The following TYW1 variants were observed in gnomAD, a reference collection of about 807,000 sequenced individuals.
TYW1 encodes the protein tRNA-yW synthesizing protein 1 homolog.
A neutral mutation model predicts 96.2 loss-of-function variants in TYW1; 46 were observed. The observed-to-expected ratio is 0.48, with a 90% confidence interval of 0.38 to 0.61. TYW1 has a LOEUF of 0.61. Ranked by LOEUF, TYW1 falls within the 20% of genes least tolerant of loss-of-function variation. The pLI, the probability that TYW1 is intolerant of heterozygous loss-of-function variation, is 0.00. For missense variants in TYW1, 684 were observed against 909.6 expected, an observed-to-expected ratio of 0.75 and a Z score of 3.19; for synonymous variants, 274 against 323.0, an observed-to-expected ratio of 0.85 and a Z score of 1.63.
At chr7:67,167,995 C>T (rs974244670) in intron 13 of TYW1, among the ~76,000 whole-genome samples, 13 of 152,046 alleles carry the variant, frequency 8.6e-5, no homozygotes, top group African/African-American at 2.4e-4. Context: ...CCTCATGATC[C>T]GCCCACCTCG....
intron 7 of TYW1, among the ~76,000 whole-genome samples, chr7:67,030,773 C>T (rs1279432696): frequency 6.6e-6 from 1 of 151,860 alleles, no homozygotes; most frequent in Non-Finnish European, 1.5e-5. Flanking sequence ...ACAAGTGGGG[C>T]CTCAGAGACT....
chr7:67,037,905 G>T (rs1231301145), intron 7 of TYW1, among the ~76,000 whole-genome samples: 1 of 152,060 alleles, frequency 6.6e-6, no homozygotes, highest in East Asian at 1.9e-4. Flanking sequence ...TTAGCATTTT[G>T]TTACTTACTT....
rs535948335 is a variant in TYW1 at position 67,095,495 on chromosome 7, C to CAA, written c.1385-3034_1385-3033dup. ...TGAAACCCCATCTCTACTAAAAATA[C>CAA]AAAAAAAAAAAAATTAGACAGACGT... is the stretch of plus-strand genomic sequence containing the variant. On this transcript the variant is annotated intron_variant, in intron 11 of 15. Transcript: ENST00000359626. Among the ~76,000 whole-genome samples, 594 of 142,596 alleles carry CAA rather than the reference C, an allele frequency of 4.2e-3. 2 individuals are homozygous for CAA. Among genetic ancestry groups the CAA allele is most frequent in the African/African-American group, 0.013 (512 of 38,754 alleles). The allele number at this position is 142,596 out of a possible 152,430, so 93.5% of individuals were successfully genotyped here.
intron 13 of TYW1, among the ~76,000 whole-genome samples, chr7:67,171,481 C>T (rs1209905171): frequency 2.0e-5 from 3 of 152,058 alleles, no homozygotes; most frequent in African/African-American, 7.2e-5. Flanking sequence ...TCATGTCGTT[C>T]ATGTGTTCTG....
intron 15 of TYW1, among the ~76,000 whole-genome samples, chr7:67,201,230 C>G (rs1019042252): frequency 1.9e-4 from 28 of 146,634 alleles, no homozygotes; most frequent in Admixed American, 4.2e-4. Flanking sequence ...ACTCGGGAGG[C>G]TGAGGCGGGA....
Position 67,083,312 on chromosome 7 carries a change from T to G in TYW1, c.1275-118T>G, listed in dbSNP as rs899833445. ...AAAATACCACTATACATGGTTGAACTCTTAGGAGGAAACCAGTCCTGATTT... is the reference window on the plus strand; with the variant it reads ...AAAATACCACTATACATGGTTGAACGCTTAGGAGGAAACCAGTCCTGATTT... On this transcript the variant is annotated intron_variant, in intron 10 of 15. Transcript: ENST00000359626. The G allele has an allele frequency of 3.2e-6, 3 of 946,048 alleles. No individual in the cohort carries two copies. The African/African-American group carries it at 5.0e-5, about 16-fold the overall frequency. The allele number at this position is 946,048 out of a possible 1,614,324, so 58.6% of individuals were successfully genotyped here.
At chr7:67,214,450 G>C (rs1199867881) in intron 15 of TYW1, among the ~76,000 whole-genome samples, 1 of 152,116 alleles carries the variant, frequency 6.6e-6, no homozygotes, top group Non-Finnish European at 1.5e-5. Context: ...TCTGTACACA[G>C]AGAGTTTTAT....
intron 4 of TYW1, among the ~76,000 whole-genome samples, chr7:67,011,728 T>A (rs1793804420): frequency 6.6e-6 from 1 of 151,712 alleles, no homozygotes; most frequent in South Asian, 2.1e-4. Context: ...AAAAATTAGC[T>A]GGGGTTGGTG....
At chr7:67,207,803 C>A (rs958404372) in intron 15 of TYW1, among the ~76,000 whole-genome samples, 14 of 149,384 alleles carry the variant, frequency 9.4e-5, no homozygotes, top group African/African-American at 3.4e-4. Context: ...TCACTGCAAC[C>A]TCTGCCTCCC....
At chr7:67,115,662 T>C (rs1797570509) in intron 12 of TYW1, among the ~76,000 whole-genome samples, 1 of 152,132 alleles carries the variant, frequency 6.6e-6, no homozygotes, top group South Asian at 2.1e-4. Flanking sequence ...AAAAGTAGCT[T>C]TAATATCTGC....
At chr7:67,182,075 C>T (rs1444616458) in intron 13 of TYW1, among the ~76,000 whole-genome samples, 1 of 152,160 alleles carries the variant, frequency 6.6e-6, no homozygotes, top group Admixed American at 6.5e-5. Context: ...GTGATCCCCG[C>T]ACCTCGGCCT....
intron 13 of TYW1, among the ~76,000 whole-genome samples, chr7:67,119,343 T>C (rs977866315): frequency 6.6e-6 from 1 of 152,162 alleles, no homozygotes; most frequent in Non-Finnish European, 1.5e-5. Flanking sequence ...CTTTCTCTCC[T>C]GTGCCCAGCG....
intron 12 of TYW1, among the ~76,000 whole-genome samples, chr7:67,112,489 G>T (rs1416343435): frequency 6.6e-6 from 1 of 151,998 alleles, no homozygotes; most frequent in Admixed American, 6.6e-5. Flanking sequence ...GGTGGTGCGT[G>T]CCTGTAGAAC....
At chr7:67,018,657 C>T (rs921986924) in intron 6 of TYW1, among the ~76,000 whole-genome samples, 4 of 151,800 alleles carry the variant, frequency 2.6e-5, no homozygotes, top group Non-Finnish European at 5.9e-5. Flanking sequence ...AGATGCTTTC[C>T]AGAATCTCTT....
chr7:67,010,600 C>A (rs1434729349), intron 4 of TYW1, among the ~76,000 whole-genome samples: 1 of 151,942 alleles, frequency 6.6e-6, no homozygotes, highest in South Asian at 2.1e-4. Flanking sequence ...CTCAGCCTCC[C>A]GAGTAGGTGG....
At chr7:66,998,312 A>G (rs556556316) in intron 2 of TYW1, 117 bp downstream of exon 2, 1 of 1,300,188 alleles carries the variant, frequency 7.7e-7, no homozygotes, top group Non-Finnish European at 1.0e-6. Flanking sequence ...CATTTTAATG[A>G]AATGCCTAAA....
chr7:67,094,654 GTGTGT>G (rs1563009696), intron 11 of TYW1, among the ~76,000 whole-genome samples: 2,405 of 68,082 alleles, frequency 0.035, 28 homozygotes, highest in Non-Finnish European at 0.036. Flanking sequence ...GAATTAGAGT[GTGTGT>G]GTGTGTGTGT....
At chr7:67,184,375 T>G (rs1799934038) in intron 14 of TYW1, among the ~76,000 whole-genome samples, 1 of 151,986 alleles carries the variant, frequency 6.6e-6, no homozygotes, top group Admixed American at 6.6e-5. Flanking sequence ...CAGGGGTGCA[T>G]GTGTGTGTGG....
chr7:66,998,804 A>G lies in TYW1; in HGVS notation c.136-13A>G, dbSNP rs1176875998. On this transcript the variant is annotated splice_polypyrimidine_tract_variant and intron_variant, in intron 2 of 15. Coordinates refer to ENST00000359626, the MANE Select transcript of TYW1 (RefSeq NM_018264.4). ...TAGACTTGATGGATTTTGTGTAATT[A>G]TTTGTCTTCAAGGGCAAGAACTTAC... 3 of 1,613,384 alleles carry G rather than the reference A, an allele frequency of 1.9e-6. No individual in the cohort carries two copies. Among genetic ancestry groups the G allele is most frequent in the South Asian group, 1.1e-5 (1 of 90,990 alleles).
Sources: allele counts gnomAD v4.1 joint callset (sites outside exome capture counted in the v4.1 genomes callset), GRCh38; gene constraint gnomAD v4.1.1; transcripts MANE v1.5; gene names NCBI Gene and HGNC (gene_info 2026-07-23, HGNC 2026-07-21).